B3GNT5: variants seen among roughly 807,000 people sequenced by gnomAD.
The protein encoded by B3GNT5 is lactosylceramide 1,3-N-acetyl-beta-D-glucosaminyltransferase.
Under a neutral mutation model 25.9 loss-of-function variants are expected in B3GNT5, and 11 were observed. The observed-to-expected ratio is 0.42, with a 90% confidence interval of 0.27 to 0.70. B3GNT5 has a LOEUF of 0.70. Among genes scored for constraint, B3GNT5 ranks in the 30% least tolerant of loss-of-function variants. The probability of loss-of-function intolerance (pLI) is 0.23; values close to 1 mark genes in which losing one functional copy is unlikely to be tolerated. For missense variants in B3GNT5, 385 were observed against 458.4 expected (o/e 0.84, Z 1.46); for synonymous variants, 166 against 158.6 (o/e 1.05, Z -0.35).
intron 1 of B3GNT5, among the ~76,000 whole-genome samples, chr3:183,262,789 G>A (rs574825519): frequency 3.3e-5 from 5 of 152,142 alleles, no homozygotes; most frequent in African/African-American, 4.8e-5. Context: ...GAGAAGGTTC[G>A]GGACAAGTTC....
chr3:183,269,789 T>G lies in B3GNT5; in HGVS notation c.-10T>G. ...AAACTGATCCTAACTAAAAACAGAC[T>G]TGAGTGGATATGAGAATGTTGGTTA... On this transcript the variant is annotated 5_prime_UTR_variant, in exon 2 of 2. Coordinates refer to ENST00000326505, the MANE Select transcript of B3GNT5 (RefSeq NM_032047.5). 1 of 1,591,320 alleles carries G rather than the reference T, an allele frequency of 6.3e-7. No homozygotes were observed. The highest frequency in any genetic ancestry group is 8.5e-7 in the Non-Finnish European group (1 of 1,169,890).
chr3:183,259,523 G>T (rs923512042), intron 1 of B3GNT5, among the ~76,000 whole-genome samples: 11 of 152,088 alleles, frequency 7.2e-5, no homozygotes, highest in African/African-American at 2.4e-4. Context: ...TATATCTTCA[G>T]ATTTTCCCTG....
Position 183,270,718 on chromosome 3 carries a change from G to T in B3GNT5, c.920G>T (p.Gly307Val). 1.2e-6 allele frequency: 2 copies of T among 1,613,708 alleles called. No homozygotes were observed. The highest frequency in any genetic ancestry group is 1.7e-6 in the Non-Finnish European group (2 of 1,179,888). ...PQDHVFFSGE[G>V]KTPYHPCIYE... ...GACCATGTGTTTTTTTCTGGAGAGG[G>T]TAAAACTCCTTATCATCCCTGCATC... is the stretch of plus-strand genomic sequence containing the variant. Residue 307 changes from glycine to valine, a missense_variant, in exon 2 of 2, where the codon GGT becomes GTT. Transcript: ENST00000326505. The surrounding 1 kb of genome is among the most constrained non-coding windows in gnomAD (Gnocchi z 4.5).
rs1262393923 is a variant in B3GNT5, at chr3:183,273,021, G to C, written c.*2086G>C. ...TTTTTTTCTAAGAAGGAAGTTGCTA[G>C]ATGATTCCTTCATCACACTTACTTA... On this transcript the variant is annotated 3_prime_UTR_variant, in exon 2 of 2. Coordinates refer to ENST00000326505, the MANE Select transcript of B3GNT5 (RefSeq NM_032047.5). The C allele has an allele frequency of 1.3e-6, 2 of 1,486,836 alleles. No individual in the cohort carries two copies. The allele number at this position is 1,486,836 out of a possible 1,614,324, so 92.1% of individuals were successfully genotyped here.
Position 183,272,506 on chromosome 3 carries a change from G to A in B3GNT5, c.*1571G>A, listed in dbSNP as rs541863991. 2.0e-6 allele frequency: 2 copies of A among 995,590 alleles called. No homozygotes were observed. The highest frequency in any genetic ancestry group is 3.5e-5 in the African/African-American group (2 of 57,232). The allele number at this position is 995,590 out of a possible 1,614,324, so 61.7% of individuals were successfully genotyped here. On this transcript the variant is annotated 3_prime_UTR_variant, in exon 2 of 2. Coordinates refer to ENST00000326505, the MANE Select transcript of B3GNT5 (RefSeq NM_032047.5). Reference sequence around the variant, plus strand: ...AATTTTTAGCAGGTAGCTTTTTAATGTTTACAGAAATTTTAATTTTTTTCT... The same window carrying A: ...AATTTTTAGCAGGTAGCTTTTTAATATTTACAGAAATTTTAATTTTTTTCT...
In B3GNT5 at chr3:183,259,077, C is replaced by T. The variant is rs149054442; in HGVS notation, c.-302+5605C>T. ...CTGTAGTTGGTTGAATCTGAGGATGCGGAACCCATGAACGTACACGACCAA... is the reference window on the plus strand; with the variant it reads ...CTGTAGTTGGTTGAATCTGAGGATGTGGAACCCATGAACGTACACGACCAA... On this transcript the variant is annotated intron_variant, in intron 1 of 1. Coordinates refer to ENST00000326505, the MANE Select transcript of B3GNT5 (RefSeq NM_032047.5). Among the ~76,000 whole-genome samples the T allele has an allele frequency of 3.4e-3, 522 of 152,090 alleles. 2 individuals carry two copies. Among genetic ancestry groups the T allele is most frequent in the South Asian group, 0.016 (77 of 4,810 alleles).
intron 1 of B3GNT5, among the ~76,000 whole-genome samples, chr3:183,260,791 C>T (rs918258705): frequency 6.6e-6 from 1 of 152,206 alleles, no homozygotes; most frequent in East Asian, 1.9e-4. Flanking sequence ...ACCCAGCTTT[C>T]CCCTCTATCC....
chr3:183,256,153 T>G (rs755259781), intron 1 of B3GNT5, among the ~76,000 whole-genome samples: 1 of 152,238 alleles, frequency 6.6e-6, no homozygotes, highest in Non-Finnish European at 1.5e-5. Flanking sequence ...ATTATGCCTT[T>G]TCTGAAATAT....
At chr3:183,257,021 A>G (rs1453944978) in intron 1 of B3GNT5, among the ~76,000 whole-genome samples, 1 of 152,234 alleles carries the variant, frequency 6.6e-6, no homozygotes, top group African/African-American at 2.4e-5. Context: ...GAAGAAGCAT[A>G]TTATGAGTAT....
At chr3:183,255,668 C>G in intron 1 of B3GNT5, among the ~76,000 whole-genome samples, 1 of 152,098 alleles carries the variant, frequency 6.6e-6, no homozygotes, top group East Asian at 1.9e-4. Context: ...AACTGCTCTG[C>G]CCAGAGAAAA....
chr3:183,255,821 AAG>A (rs1448490639), intron 1 of B3GNT5, among the ~76,000 whole-genome samples: 2 of 152,032 alleles, frequency 1.3e-5, no homozygotes, highest in African/African-American at 2.4e-5. Flanking sequence ...AAAAAAAAAA[AAG>A]AAAAAGAAAA....
chr3:183,268,694 T>C (rs1726400720), intron 1 of B3GNT5, among the ~76,000 whole-genome samples: 1 of 152,192 alleles, frequency 6.6e-6, no homozygotes, highest in Non-Finnish European at 1.5e-5. Context: ...TATATTCCCA[T>C]TTAATTTGCA....
intron 1 of B3GNT5, among the ~76,000 whole-genome samples, chr3:183,268,458 A>G (rs891938211): frequency 6.6e-6 from 1 of 152,024 alleles, no homozygotes; most frequent in African/African-American, 2.4e-5. Flanking sequence ...AGAGAGATTT[A>G]GAAGAAGTGA....
Position 183,269,989 on chromosome 3 carries a change from T to C in B3GNT5, c.191T>C (p.Leu64Pro). The C allele has an allele frequency of 6.2e-7, 1 of 1,614,198 alleles. No homozygotes were observed. Among genetic ancestry groups the C allele is most frequent in the Non-Finnish European group, 8.5e-7 (1 of 1,180,034 alleles). Residue 64 changes from leucine (L) to proline (P), a missense_variant, in exon 2 of 2, where the codon CTT becomes CCT. By Grantham distance (98) the Leu-to-Pro change is moderately conservative (BLOSUM62 -3). Coordinates refer to ENST00000326505, the MANE Select transcript of B3GNT5 (RefSeq NM_032047.5). ...GACTTTGTGAATGATACCCTGTCTC[T>C]TAAGCACACCTCAGCGGGGCCTCGC... ...SYDFVNDTLS[L>P]KHTSAGPRYQ...
chr3:183,262,571 G>A (rs116426859), intron 1 of B3GNT5, among the ~76,000 whole-genome samples: 38 of 152,090 alleles, frequency 2.5e-4, no homozygotes, highest in African/African-American at 6.5e-4. Flanking sequence ...GTCCCGGCCC[G>A]ATCAGTATGT....
At chr3:183,254,191 G>A (rs995206647) in intron 1 of B3GNT5, 1 of 151,948 alleles carries the variant, frequency 6.6e-6, no homozygotes, top group Non-Finnish European at 1.5e-5. Flanking sequence ...GAGGAGGTGA[G>A]GGCACGCCGG....
In B3GNT5 at chr3:183,253,409, G is replaced by A. The variant is rs186051455; in HGVS notation, c.-365G>A. On this transcript the variant is annotated 5_prime_UTR_variant, in exon 1 of 2. Transcript: ENST00000326505. ...CCGACCTCCGATTTGGACATTTAAA[G>A]AGCTGGGCTTGAACTTCGTGAGTTT... is the stretch of plus-strand genomic sequence containing the variant. 6.6e-6 allele frequency: 1 copy of A among 152,394 alleles called. No homozygotes were observed. The highest frequency in any genetic ancestry group is 1.5e-5 in the Non-Finnish European group (1 of 68,054). 9.4% of individuals were successfully genotyped at this position (152,394 alleles called of 1,614,324 possible).
At chr3:183,255,696 A>C (rs1488246108) in intron 1 of B3GNT5, among the ~76,000 whole-genome samples, 1 of 152,178 alleles carries the variant, frequency 6.6e-6, no homozygotes, top group East Asian at 1.9e-4. Flanking sequence ...GGTGCAGAAG[A>C]GTTTTCAAAA....
At chr3:183,265,411 G>A (rs1374767789) in intron 1 of B3GNT5, 1 of 152,370 alleles carries the variant, frequency 6.6e-6, no homozygotes, top group African/African-American at 2.4e-5. Context: ...CGGCAGGCTT[G>A]TGGGCTTCTT....
Sources: gnomAD v4.1 joint callset for allele counts (sites outside exome capture counted in the v4.1 genomes callset) on GRCh38, gnomAD v4.1.1 for gene constraint, Gnocchi (gnomAD v3.1) non-coding constraint, MANE v1.5 for transcripts, NCBI Gene and HGNC (gene_info 2026-07-23, HGNC 2026-07-21) for gene names.